The following KLHL32 variants were observed in gnomAD, a reference collection of about 807,000 sequenced individuals.
KLHL32 encodes the protein kelch like family member 32, also known as kelch-like protein 32.
Under a neutral mutation model 64.8 loss-of-function variants are expected in KLHL32, and 35 were observed. The ratio of observed to expected loss-of-function variants is 0.54; its 90% CI spans 0.41 to 0.72. The LOEUF is 0.72. Ranked by LOEUF, KLHL32 falls within the 30% of genes least tolerant of loss-of-function variation. The pLI is 0.00. For missense variants in KLHL32, 589 were observed against 768.5 expected, an observed-to-expected ratio of 0.77 and a Z score of 2.76; for synonymous variants, 259 against 281.0, an observed-to-expected ratio of 0.92 and a Z score of 0.78.
At chr6:96,995,668 A>G (rs1189683716) in intron 3 of KLHL32, among the ~76,000 whole-genome samples, 1 of 152,140 alleles carries the variant, frequency 6.6e-6, no homozygotes, top group Non-Finnish European at 1.5e-5. Flanking sequence ...GCTAGTGACC[A>G]TTCTTTCCAC....
intron 3 of KLHL32, among the ~76,000 whole-genome samples, chr6:97,036,450 T>G (rs1277410338): frequency 3.9e-5 from 6 of 152,216 alleles, no homozygotes; most frequent in Non-Finnish European, 7.3e-5. Flanking sequence ...AGCCTTGCAT[T>G]GGTGTCTGAG....
chr6:96,987,383 G>A (rs1240697197), intron 3 of KLHL32, among the ~76,000 whole-genome samples: 10 of 152,110 alleles, frequency 6.6e-5, no homozygotes, highest in Admixed American at 1.3e-4. Flanking sequence ...TGCTTTGAAT[G>A]TGTCCCAGAG....
intron 7 of KLHL32, among the ~76,000 whole-genome samples, chr6:97,124,724 G>C (rs1187890518): frequency 6.6e-6 from 1 of 152,198 alleles, no homozygotes; most frequent in Non-Finnish European, 1.5e-5. Flanking sequence ...AGTTAGAGAA[G>C]TGATTGTAGG....
At chr6:97,062,104 T>G (rs1366101130) in intron 4 of KLHL32, among the ~76,000 whole-genome samples, 3 of 152,244 alleles carry the variant, frequency 2.0e-5, no homozygotes, top group African/African-American at 7.2e-5. Flanking sequence ...ACAAAAACAA[T>G]CGCCGTATGG....
At chr6:97,033,195 C>T (rs1056161924) in intron 3 of KLHL32, among the ~76,000 whole-genome samples, 10 of 152,118 alleles carry the variant, frequency 6.6e-5, no homozygotes, top group African/African-American at 2.4e-4. Context: ...ATGTCTGACT[C>T]ACTGTATTAT....
In KLHL32 at chr6:96,946,654, C is replaced by T. The variant is rs753942330; in HGVS notation, c.-65-20342C>T. On this transcript the variant is annotated intron_variant, in intron 1 of 10. Transcript: ENST00000369261. ...AATTGGACAAGTATGGGAGAAAGCA[C>T]GGTAGTGGCAGGCCACTTCTGAATT... is the stretch of plus-strand genomic sequence containing the variant. Among the ~76,000 whole-genome samples, 29 of 152,136 alleles carry T rather than the reference C, an allele frequency of 1.9e-4. 1 individual carries two copies. Among genetic ancestry groups the T allele is most frequent in the Non-Finnish European group, 3.2e-4 (22 of 68,030 alleles).
intron 5 of KLHL32, among the ~76,000 whole-genome samples, chr6:97,074,412 A>G (rs1315008064): frequency 1.3e-5 from 2 of 152,174 alleles, no homozygotes; most frequent in Admixed American, 6.5e-5. Context: ...TTGAAAGTGT[A>G]TTTGTCACAT....
chr6:97,025,199 G>A lies in KLHL32; in HGVS notation c.205-16293G>A, dbSNP rs369929538. 37 of 852,048 alleles carry A rather than the reference G, an allele frequency of 4.3e-5. 1 individual carries two copies. The highest frequency in any genetic ancestry group is 6.1e-4 in the Middle Eastern group (1 of 1,638). The allele number at this position is 852,048 out of a possible 1,614,324, so 52.8% of individuals were successfully genotyped here. ...TAGAAATGCCATGATTCTGTTTATC[G>A]TCTTTGTAAAAATCTGATTTGGAAC... is the stretch of plus-strand genomic sequence containing the variant. On this transcript the variant is annotated intron_variant, in intron 3 of 10. Coordinates refer to ENST00000369261, the MANE Select transcript of KLHL32 (RefSeq NM_052904.4).
intron 5 of KLHL32, among the ~76,000 whole-genome samples, chr6:97,075,531 A>C (rs927022692): frequency 6.6e-6 from 1 of 152,192 alleles, no homozygotes; most frequent in Non-Finnish European, 1.5e-5. Flanking sequence ...AGAGCCCTTC[A>C]CATGCACAAT....
intron 1 of KLHL32, among the ~76,000 whole-genome samples, chr6:96,939,438 A>T (rs546419974): frequency 6.6e-6 from 1 of 152,324 alleles, no homozygotes; most frequent in Admixed American, 6.5e-5. Context: ...TAAGAGTGAG[A>T]TTACAATACA....
At chr6:97,129,726 A>G (rs757618016) in intron 8 of KLHL32, among the ~76,000 whole-genome samples, 11 of 152,296 alleles carry the variant, frequency 7.2e-5, no homozygotes, top group Non-Finnish European at 1.3e-4. Flanking sequence ...CACTAAAAAT[A>G]CAAAAATCAG....
chr6:97,127,816 A>T (rs557824019), intron 8 of KLHL32, among the ~76,000 whole-genome samples: 22 of 152,328 alleles, frequency 1.4e-4, no homozygotes, highest in African/African-American at 5.1e-4. Context: ...AACTTAATAT[A>T]GCCCAAATGA....
At chr6:97,087,808 G>T (rs1793654424) in intron 6 of KLHL32, among the ~76,000 whole-genome samples, 1 of 152,090 alleles carries the variant, frequency 6.6e-6, no homozygotes, top group Admixed American at 6.5e-5. Flanking sequence ...ATGCAGTCTG[G>T]CTCTGAAGAC....
At chr6:96,947,077 C>T (rs57496543) in intron 1 of KLHL32, among the ~76,000 whole-genome samples, 15,049 of 152,188 alleles carry the variant, frequency 0.099, 791 homozygotes, top group Middle Eastern at 0.15. Context: ...TAGGCTGAGA[C>T]GGCTCCAGCA....
rs1341947706 is a variant in KLHL32 at position 97,114,285 on chromosome 6, C to T, written c.1130C>T (p.Ser377Phe). ...TGTCGCTATGACCCCCGCAGTAATT[C>T]CTGGGCAGAGATAGCACCCATGAAA... Reference protein sequence around the residue: ...TACRYDPRSNSWAEIAPMKNC... With the variant: ...TACRYDPRSNFWAEIAPMKNC... Residue 377 changes from serine (S) to phenylalanine (F), a missense_variant, in exon 7 of 11, where the codon TCC becomes TTC. Transcript: ENST00000369261. The T allele has an allele frequency of 5.0e-6, 8 of 1,614,108 alleles. No homozygotes were observed. The highest frequency in any genetic ancestry group is 1.6e-4 in the Middle Eastern group (1 of 6,062).
chr6:96,973,852 C>T (rs750987795), intron 2 of KLHL32, among the ~76,000 whole-genome samples: 35 of 151,282 alleles, frequency 2.3e-4, no homozygotes, highest in Non-Finnish European at 3.8e-4. Context: ...CCTCCTGAGT[C>T]GCTGGGATTA....
intron 6 of KLHL32, among the ~76,000 whole-genome samples, chr6:97,086,823 A>C (rs1731226855): frequency 6.6e-6 from 1 of 152,264 alleles, no homozygotes; most frequent in South Asian, 2.1e-4. Flanking sequence ...GGTCAATTCA[A>C]AATGGGAAGT....
intron 3 of KLHL32, among the ~76,000 whole-genome samples, chr6:97,007,515 T>C (rs1324426130): frequency 6.6e-6 from 1 of 152,218 alleles, no homozygotes; most frequent in Non-Finnish European, 1.5e-5. Flanking sequence ...TTAAGAACCA[T>C]TGCTGACAAA....
At chr6:97,011,158 CTT>C (rs1269603592) in intron 3 of KLHL32, among the ~76,000 whole-genome samples, 1 of 152,152 alleles carries the variant, frequency 6.6e-6, no homozygotes, top group Non-Finnish European at 1.5e-5. Context: ...TCATTTATCT[CTT>C]GTCTAGCCAA....
Sources: gnomAD v4.1 joint callset for allele counts (sites outside exome capture counted in the v4.1 genomes callset) on GRCh38, gnomAD v4.1.1 for gene constraint, MANE v1.5 for transcripts, NCBI Gene and HGNC (gene_info 2026-07-23, HGNC 2026-07-21) for gene names.